TACR1: variants seen among roughly 807,000 people sequenced by gnomAD.
The protein encoded by TACR1 is tachykinin receptor 1.
In TACR1, 25 loss-of-function variants were observed where a neutral mutation model predicts 35.8. The observed-to-expected ratio is 0.70, with a 90% confidence interval of 0.51 to 0.98. The LOEUF is 0.98. Ranked by LOEUF, TACR1 falls within the 50% of genes least tolerant of loss-of-function variation. TACR1 has a pLI of 0.00. For missense variants in TACR1, 478 were observed against 522.9 expected, an observed-to-expected ratio of 0.91 and a Z score of 0.84; for synonymous variants, 195 against 206.7, an observed-to-expected ratio of 0.94 and a Z score of 0.48.
At position 75,158,359 on chromosome 2, in the gene TACR1, A is replaced by G. The variant is rs1674916714; in HGVS notation, c.390-37591T>C. Among the ~76,000 whole-genome samples, 6 of 152,238 alleles carry G rather than the reference A, an allele frequency of 3.9e-5. No individual in the cohort carries two copies. The South Asian group carries it at 1.2e-3, about 32-fold the overall frequency. On this transcript the variant is annotated intron_variant, in intron 1 of 4. Transcript: ENST00000305249. Reference sequence around the variant, plus strand: ...CCTTTTTCCCAGGCAGAAAATGCATATTATGTATTCCCAGTGTCTGGCTTA... The same window carrying G: ...CCTTTTTCCCAGGCAGAAAATGCATGTTATGTATTCCCAGTGTCTGGCTTA...
intron 1 of TACR1, among the ~76,000 whole-genome samples, chr2:75,179,500 A>G (rs1675509111): frequency 6.6e-6 from 1 of 152,140 alleles, no homozygotes; most frequent in Non-Finnish European, 1.5e-5. Context: ...TAATCCTCAG[A>G]TTGCTTCTTA....
At chr2:75,057,337 C>T (rs1384842762) in intron 2 of TACR1, among the ~76,000 whole-genome samples, 1 of 152,128 alleles carries the variant, frequency 6.6e-6, no homozygotes, top group East Asian at 1.9e-4. Flanking sequence ...TTTTCCACTA[C>T]CTACCCAAAT....
chr2:75,185,949 C>T (rs182951093), intron 1 of TACR1, among the ~76,000 whole-genome samples: 27 of 152,156 alleles, frequency 1.8e-4, no homozygotes, highest in South Asian at 1.3e-3. Flanking sequence ...ATTTAAATTA[C>T]GATACTTTGT....
At chr2:75,060,903 A>T (rs1033884886) in intron 2 of TACR1, among the ~76,000 whole-genome samples, 1 of 152,098 alleles carries the variant, frequency 6.6e-6, no homozygotes, top group Non-Finnish European at 1.5e-5. Flanking sequence ...TGTGGATGGC[A>T]GAATTTACCT....
At chr2:75,169,849 T>G (rs1005153691) in intron 1 of TACR1, among the ~76,000 whole-genome samples, 1 of 152,180 alleles carries the variant, frequency 6.6e-6, no homozygotes, top group Non-Finnish European at 1.5e-5. Flanking sequence ...TAATGATTTT[T>G]CTCTCCAGTT....
chr2:75,111,775 A>G (rs1355319513), intron 2 of TACR1, among the ~76,000 whole-genome samples: 1 of 151,998 alleles, frequency 6.6e-6, no homozygotes, highest in African/African-American at 2.4e-5. Context: ...ACTTTCTTAG[A>G]TGGCATAAAG....
chr2:75,064,089 A>AG (rs1013055833), intron 2 of TACR1, among the ~76,000 whole-genome samples: 1 of 134,096 alleles, frequency 7.5e-6, no homozygotes, highest in Non-Finnish European at 1.5e-5. Flanking sequence ...CAGCAGTGTT[A>AG]GGAAAAAAAA....
At chr2:75,119,960 T>A (rs1036252481) in intron 2 of TACR1, among the ~76,000 whole-genome samples, 4 of 152,080 alleles carry the variant, frequency 2.6e-5, no homozygotes, top group African/African-American at 9.7e-5. Flanking sequence ...TGGAGATTAA[T>A]CCCACAAGGA....
At chr2:75,191,408 G>C (rs1159945168) in intron 1 of TACR1, among the ~76,000 whole-genome samples, 1 of 152,046 alleles carries the variant, frequency 6.6e-6, no homozygotes, top group Non-Finnish European at 1.5e-5. Flanking sequence ...GGCCAGAGAA[G>C]GGTCCATAAG....
At chr2:75,082,769 G>A (rs1673115080) in intron 2 of TACR1, among the ~76,000 whole-genome samples, 1 of 152,134 alleles carries the variant, frequency 6.6e-6, no homozygotes, top group Admixed American at 6.5e-5. Flanking sequence ...TTTTGATGGG[G>A]TTGTTTGTTT....
chr2:75,052,679 A>G (rs1383140088), intron 3 of TACR1, among the ~76,000 whole-genome samples: 4 of 152,170 alleles, frequency 2.6e-5, no homozygotes, highest in Admixed American at 6.5e-5. Context: ...AGAAAATAAT[A>G]TATATTTACT....
In TACR1 at chr2:75,174,461, CGTCCTGG is replaced by C. The variant is rs556807381; in HGVS notation, c.389+24078_389+24084del. Reference sequence around the variant, plus strand: ...TACACTGGGACAAAGTGATGATTTACGTCCTGGGTGGGCTGGAGTGGGACAGTGTGAA... The same window carrying C: ...TACACTGGGACAAAGTGATGATTTACGTGGGCTGGAGTGGGACAGTGTGAA... On this transcript the variant is annotated intron_variant, in intron 1 of 4. Transcript: ENST00000305249. Among the ~76,000 whole-genome samples the C allele has an allele frequency of 3.2e-3, 491 of 152,290 alleles. 1 individual carries two copies. Among genetic ancestry groups the C allele is most frequent in the Non-Finnish European group, 5.3e-3 (362 of 68,030 alleles).
chr2:75,196,683 A>G (rs528942149), intron 1 of TACR1, among the ~76,000 whole-genome samples: 1 of 152,268 alleles, frequency 6.6e-6, no homozygotes, highest in East Asian at 1.9e-4. Context: ...TAAGTTCCAG[A>G]GGAAAGATCA....
rs779023517 is a variant in TACR1 at position 75,053,609 on chromosome 2, C to T, written c.731G>A (p.Arg244His). ...TTCTGCCTGTCCCCTGCTCACCTTGCGCTTGGCAGAGACTTGCTCGTGGTA... is the reference window on the plus strand; with the variant it reads ...TTCTGCCTGTCCCCTGCTCACCTTGTGCTTGGCAGAGACTTGCTCGTGGTA... ...DRYHEQVSAK[R>H]KVVKMMIVVV... Residue 244 changes from arginine to histidine, a missense_variant, in exon 3 of 5, where the codon CGC (arginine) becomes CAC (histidine). Physicochemically the swap from Arg to His is conservative, Grantham distance 29 (BLOSUM62 0). Coordinates refer to ENST00000305249, the MANE Select transcript of TACR1 (RefSeq NM_001058.4). 1.3e-5 allele frequency: 20 copies of T among 1,542,032 alleles called. No individual in the cohort carries two copies. Among genetic ancestry groups the T allele is most frequent in the Admixed American group, 4.0e-5 (2 of 50,340 alleles).
intron 2 of TACR1, among the ~76,000 whole-genome samples, chr2:75,096,802 A>T (rs1164837970): frequency 6.6e-6 from 1 of 151,984 alleles, no homozygotes; most frequent in Non-Finnish European, 1.5e-5. Context: ...AGGTATCTCA[A>T]CTTCTCTCTT....
At chr2:75,183,106 G>A (rs1675597351) in intron 1 of TACR1, among the ~76,000 whole-genome samples, 1 of 152,146 alleles carries the variant, frequency 6.6e-6, no homozygotes, top group Non-Finnish European at 1.5e-5. Flanking sequence ...ACAAGCATGA[G>A]TGTGTTCAAT....
chr2:75,156,518 G>C (rs539592338), intron 1 of TACR1, among the ~76,000 whole-genome samples: 29 of 151,052 alleles, frequency 1.9e-4, no homozygotes, highest in Admixed American at 1.5e-3. Flanking sequence ...CAGGAGAATG[G>C]TGTGAACCTG....
intron 2 of TACR1, among the ~76,000 whole-genome samples, chr2:75,116,614 A>C (rs1388341473): frequency 6.6e-6 from 1 of 152,120 alleles, no homozygotes; most frequent in African/African-American, 2.4e-5. Context: ...AGACAGTATA[A>C]AAGTATTTTC....
At chr2:75,154,503 C>CACACACACACACACACACACACACACAG (rs1674786711) in intron 1 of TACR1, 1 of 134,050 alleles carries the variant, frequency 7.5e-6, no homozygotes, top group African/African-American at 3.0e-5. Context: ...CACACACACA[C>CACACACACACACACACACACACACACAG]ACACACACAC....
Sources: gnomAD v4.1 joint callset for allele counts (sites outside exome capture counted in the v4.1 genomes callset) on GRCh38, gnomAD v4.1.1 for gene constraint, MANE v1.5 for transcripts, NCBI Gene and HGNC (gene_info 2026-07-23, HGNC 2026-07-21) for gene names.